PIGU: variants seen among roughly 807,000 people sequenced by gnomAD.
The protein encoded by PIGU is GPI-anchor transamidase component PIGU.
In PIGU, 24 loss-of-function variants were observed where a neutral mutation model predicts 49.9. The ratio of observed to expected loss-of-function variants is 0.48; its 90% CI spans 0.35 to 0.68. The LOEUF is 0.68. Ranked by LOEUF, PIGU falls within the 30% of genes least tolerant of loss-of-function variation. The pLI is 0.01. For synonymous variants in PIGU, 220 were observed against 205.7 expected, an observed-to-expected ratio of 1.07 and a Z score of -0.59; for missense variants, 490 against 532.6, an observed-to-expected ratio of 0.92 and a Z score of 0.79.
At chr20:34,635,949 T>C (rs1022452638) in intron 5 of PIGU, among the ~76,000 whole-genome samples, 2 of 151,852 alleles carry the variant, frequency 1.3e-5, no homozygotes, top group Admixed American at 6.6e-5. Context: ...TCCCAGCACT[T>C]TGGGAGGCCA....
intron 5 of PIGU, among the ~76,000 whole-genome samples, chr20:34,637,363 G>A (rs988114134): frequency 7.2e-5 from 11 of 152,262 alleles, no homozygotes; most frequent in Middle Eastern, 3.4e-3. Context: ...ACAACTTAAT[G>A]GTAGCACTGG....
At chr20:34,662,998 C>A (rs1169838553) in intron 1 of PIGU, among the ~76,000 whole-genome samples, 1 of 152,154 alleles carries the variant, frequency 6.6e-6, no homozygotes, top group African/African-American at 2.4e-5. Flanking sequence ...GCCTCAACCT[C>A]CTGGGCACAA....
At chr20:34,625,378 A>AC (rs1307295848) in intron 6 of PIGU, among the ~76,000 whole-genome samples, 1 of 151,742 alleles carries the variant, frequency 6.6e-6, no homozygotes, top group Non-Finnish European at 1.5e-5. Flanking sequence ...CAAAAAAAAA[A>AC]AAAACAAAAA....
chr20:34,578,318 T>A (rs1983319468), intron 10 of PIGU, among the ~76,000 whole-genome samples: 2 of 152,206 alleles, frequency 1.3e-5, no homozygotes, highest in Admixed American at 1.3e-4. Context: ...AGGGACGTTT[T>A]CACTGAGAAT....
chr20:34,579,961 A>G (rs1185377557), intron 10 of PIGU, among the ~76,000 whole-genome samples: 3 of 152,202 alleles, frequency 2.0e-5, no homozygotes, highest in African/African-American at 7.2e-5. Context: ...TAACACACTC[A>G]TGAGTTATTT....
chr20:34,658,790 C>T (rs1197848119), intron 1 of PIGU, among the ~76,000 whole-genome samples: 95 of 150,226 alleles, frequency 6.3e-4, no homozygotes, highest in Non-Finnish European at 9.6e-4. Context: ...GGAGCCCCTC[C>T]GCCTGGCAGC....
intron 10 of PIGU, chr20:34,579,358 A>G (rs1161867080): frequency 6.6e-6 from 1 of 151,848 alleles, no homozygotes; most frequent in Non-Finnish European, 1.5e-5. Context: ...TGGGACCTAC[A>G]CTCAGGGAGG....
At chr20:34,571,539 A>G (rs1407958664) in intron 11 of PIGU, among the ~76,000 whole-genome samples, 1 of 152,150 alleles carries the variant, frequency 6.6e-6, no homozygotes, top group Non-Finnish European at 1.5e-5. Flanking sequence ...TGTCTTGCCC[A>G]AGGAGGAGAA....
chr20:34,632,279 T>G (rs1056309603), intron 6 of PIGU, among the ~76,000 whole-genome samples: 5 of 152,158 alleles, frequency 3.3e-5, no homozygotes, highest in Non-Finnish European at 7.3e-5. Flanking sequence ...GAGTCTAAAA[T>G]TCTTAATCCT....
intron 6 of PIGU, among the ~76,000 whole-genome samples, chr20:34,629,018 CTTTTT>C (rs112907819): frequency 7.1e-6 from 1 of 141,212 alleles, no homozygotes; most frequent in African/African-American, 2.6e-5. Context: ...CCATGTGTAA[CTTTTT>C]TTTTTTTTTT....
chr20:34,668,730 C>T (rs1374791668), intron 1 of PIGU, among the ~76,000 whole-genome samples: 2 of 150,958 alleles, frequency 1.3e-5, no homozygotes, highest in Non-Finnish European at 1.5e-5. Context: ...GATCGTGTCA[C>T]TGCACTCCAG....
chr20:34,605,252 T>G lies in PIGU; in HGVS notation c.627+10790A>C, dbSNP rs116347921. Among the ~76,000 whole-genome samples, 498 of 152,274 alleles carry G rather than the reference T, an allele frequency of 3.3e-3. 1 individual carries two copies. The highest frequency in any genetic ancestry group is 0.011 in the African/African-American group (471 of 41,554). On this transcript the variant is annotated intron_variant, in intron 7 of 11. Transcript: ENST00000217446. ...GGGCTCAAACTACCATTCTCATAAG[T>G]GATTCACCAGGGAGCCAGATGCAGC...
chr20:34,662,396 CTTT>C (rs34871084), intron 1 of PIGU, among the ~76,000 whole-genome samples: 2 of 131,282 alleles, frequency 1.5e-5, no homozygotes, highest in African/African-American at 2.9e-5. Flanking sequence ...AGCCCTTTGC[CTTT>C]TTTTTTTTTT....
chr20:34,664,344 G>A (rs996635810), intron 1 of PIGU, among the ~76,000 whole-genome samples: 3 of 152,080 alleles, frequency 2.0e-5, no homozygotes, highest in African/African-American at 7.2e-5. Flanking sequence ...GTAGAAACGG[G>A]CTCTTGCTAT....
chr20:34,661,918 A>ATGAGATAGTATCTCATTGTGGTTT (rs953028070), intron 1 of PIGU, among the ~76,000 whole-genome samples: 26 of 152,210 alleles, frequency 1.7e-4, no homozygotes, highest in Middle Eastern at 3.4e-3. Flanking sequence ...TCTGACTGGT[A>ATGAGATAGTATCTCATTGTGGTTT]TGAGATAGTA....
chr20:34,630,646 T>A (rs1486805532), intron 6 of PIGU, among the ~76,000 whole-genome samples: 6 of 151,736 alleles, frequency 4.0e-5, no homozygotes, highest in African/African-American at 9.7e-5. Flanking sequence ...TCATTTAAAA[T>A]TTTTTTTTAT....
intron 11 of PIGU, among the ~76,000 whole-genome samples, chr20:34,563,295 C>T (rs779736108): frequency 7.9e-5 from 12 of 152,240 alleles, no homozygotes; most frequent in African/African-American, 1.7e-4. Flanking sequence ...CGGCGAGGTG[C>T]GGTGGCTCAT....
intron 9 of PIGU, among the ~76,000 whole-genome samples, chr20:34,584,861 T>C (rs1983635065): frequency 6.6e-6 from 1 of 152,168 alleles, no homozygotes; most frequent in Non-Finnish European, 1.5e-5. Context: ...CAAATTTTTG[T>C]ATTTTTAGTA....
At chr20:34,631,785 ATTTTTTTTTTTTTTTTTT>A (rs1166878990) in intron 6 of PIGU, among the ~76,000 whole-genome samples, 237 of 6,422 alleles carry the variant, frequency 0.037, 16 homozygotes, top group Admixed American at 0.043. Context: ...ATATATATAT[ATTTTTTTTTTTTTTTTTT>A]TTTTTTTTTT....
Sources: allele counts gnomAD v4.1 joint callset (sites outside exome capture counted in the v4.1 genomes callset), GRCh38; gene constraint gnomAD v4.1.1; transcripts MANE v1.5; gene names NCBI Gene and HGNC (gene_info 2026-07-23, HGNC 2026-07-21).